Variants in STK4 observed in about 807,000 individuals in gnomAD.
The protein encoded by STK4 is serine/threonine-protein kinase 4.
STK4 carries 30 observed loss-of-function variants against 64.9 expected under a neutral mutation model. The ratio of observed to expected loss-of-function variants is 0.46; its 90% CI spans 0.35 to 0.63. The LOEUF (loss-of-function observed/expected upper bound fraction) is 0.63. STK4 is among the 20% of genes least tolerant of loss of function. STK4 has a pLI of 0.01. For synonymous variants in STK4, 177 were observed against 199.0 expected (o/e 0.89, Z 0.93); for missense variants, 466 against 598.5 (o/e 0.78, Z 2.31).
chr20:45,022,472 A>G (rs1376880952), intron 9 of STK4, among the ~76,000 whole-genome samples: 1 of 152,206 alleles, frequency 6.6e-6, no homozygotes, highest in Non-Finnish European at 1.5e-5. Context: ...TTGGTAAGAA[A>G]GAAGAACTCA....
intron 10 of STK4, among the ~76,000 whole-genome samples, chr20:45,050,128 G>C (rs1266385319): frequency 6.6e-6 from 1 of 152,194 alleles, no homozygotes; most frequent in African/African-American, 2.4e-5. Context: ...AGAGAGAACA[G>C]TCAGCAGTGC....
At chr20:45,006,074 A>G (rs912458715) in intron 9 of STK4, among the ~76,000 whole-genome samples, 11 of 146,846 alleles carry the variant, frequency 7.5e-5, no homozygotes, top group Admixed American at 6.7e-4. Context: ...TATTGTCTCT[A>G]TGTTGGATTT....
At position 45,078,364 on chromosome 20, in the gene STK4, G is replaced by T. The variant is rs576694612; in HGVS notation, c.*3188G>T. 6.6e-6 allele frequency: 1 copy of T among 151,826 alleles called. No individual in the cohort carries two copies. The highest frequency in any genetic ancestry group is 1.5e-5 in the Non-Finnish European group (1 of 68,006). 9.4% of individuals were successfully genotyped at this position (151,826 alleles called of 1,614,324 possible). Reference sequence around the variant, plus strand: ...GCCACTACAGGTGCTGCACCACCACGCCCGGCTAATTTTTGTATTTTTAGT... The same window carrying T: ...GCCACTACAGGTGCTGCACCACCACTCCCGGCTAATTTTTGTATTTTTAGT... On this transcript the variant is annotated 3_prime_UTR_variant, in exon 11 of 11. Transcript: ENST00000372806.
At chr20:45,062,894 G>A (rs1413336370) in intron 10 of STK4, among the ~76,000 whole-genome samples, 1 of 124,574 alleles carries the variant, frequency 8.0e-6, no homozygotes, top group East Asian at 2.5e-4. Context: ...GTTTCACCAT[G>A]TTAGCCAGAA....
chr20:45,043,161 A>G (rs1161064564), intron 10 of STK4, among the ~76,000 whole-genome samples: 5 of 152,048 alleles, frequency 3.3e-5, no homozygotes, highest in African/African-American at 1.2e-4. Context: ...AGCTCCATCC[A>G]TATCCCTGTG....
At position 45,075,164 on chromosome 20, in the gene STK4, A is replaced by G. The variant is rs768109080; in HGVS notation, c.1452A>G (p.Gln484=). The change falls in exon 11 of 11, where the codon CAA becomes CAG. Residue 484 remains glutamine, a synonymous_variant. Coordinates refer to ENST00000372806, the MANE Select transcript of STK4 (RefSeq NM_006282.5). ...LDAIEAKKRR[Q]QNF Reference sequence around the variant, plus strand: ...CCATAGAGGCTAAGAAGAGACGGCAACAAAACTTCTGAGCAAGGCCAGGCT... The same window carrying G: ...CCATAGAGGCTAAGAAGAGACGGCAGCAAAACTTCTGAGCAAGGCCAGGCT... 4 of 1,613,770 alleles carry G rather than the reference A, an allele frequency of 2.5e-6. No homozygotes were observed. The highest frequency in any genetic ancestry group is 1.7e-5 in the Admixed American group (1 of 59,996).
At chr20:45,072,910 C>G (rs961049273) in intron 10 of STK4, among the ~76,000 whole-genome samples, 2 of 152,172 alleles carry the variant, frequency 1.3e-5, no homozygotes, top group Admixed American at 1.3e-4. Context: ...CCAACACATA[C>G]TATATGAAGT....
chr20:44,997,333 C>T (rs766132177), intron 7 of STK4, 27 bp downstream of exon 7: 21 of 1,556,828 alleles, frequency 1.3e-5, no homozygotes, highest in Admixed American at 6.2e-5. Flanking sequence ...GATGCCATCT[C>T]GCTCCATTTC....
intron 10 of STK4, among the ~76,000 whole-genome samples, chr20:45,046,915 C>G (rs6130740): frequency 3.3e-5 from 5 of 150,176 alleles, no homozygotes; most frequent in Non-Finnish European, 5.9e-5. Flanking sequence ...CTCCTGACCT[C>G]GTGATCTGCC....
intron 10 of STK4, among the ~76,000 whole-genome samples, chr20:45,057,684 A>G (rs1172006743): frequency 6.6e-6 from 1 of 152,190 alleles, no homozygotes; most frequent in Non-Finnish European, 1.5e-5. Flanking sequence ...TAGGAAGCAC[A>G]TTTTAAAGAA....
chr20:44,989,093 G>T (rs755744366), intron 5 of STK4, among the ~76,000 whole-genome samples: 3 of 152,120 alleles, frequency 2.0e-5, no homozygotes, highest in Non-Finnish European at 4.4e-5. Context: ...TGTGAAATTT[G>T]TGTACAGGTT....
At chr20:45,060,692 G>T (rs1162864354) in intron 10 of STK4, among the ~76,000 whole-genome samples, 1 of 152,192 alleles carries the variant, frequency 6.6e-6, no homozygotes, top group Admixed American at 6.5e-5. Flanking sequence ...GGACTGTTGT[G>T]AGGATTACTC....
chr20:45,068,210 G>A (rs191631000), intron 10 of STK4, among the ~76,000 whole-genome samples: 3 of 152,296 alleles, frequency 2.0e-5, no homozygotes, highest in Non-Finnish European at 2.9e-5. Context: ...GGCAGAACTC[G>A]TATAGAACCC....
chr20:44,972,066 C>A lies in STK4; in HGVS notation c.36-12C>A. On this transcript the variant is annotated splice_polypyrimidine_tract_variant and intron_variant, in intron 1 of 10. Transcript: ENST00000372806. ...TAAAATGTATTTTGTGTTTATATTT[C>A]TTTATTCACAGGCAGCTGAAAAAGT... 6.2e-7 allele frequency: 1 copy of A among 1,611,060 alleles called. No homozygotes were observed. Among genetic ancestry groups the A allele is most frequent in the Non-Finnish European group, 8.5e-7 (1 of 1,178,052 alleles).
At chr20:45,063,544 T>C (rs1331717024) in intron 10 of STK4, among the ~76,000 whole-genome samples, 2 of 152,246 alleles carry the variant, frequency 1.3e-5, no homozygotes, top group Admixed American at 6.5e-5. Context: ...GTAAGTTGTC[T>C]GTTTACTCCC....
intron 10 of STK4, among the ~76,000 whole-genome samples, chr20:45,068,424 T>C (rs1271274174): frequency 6.6e-6 from 1 of 152,198 alleles, no homozygotes; most frequent in Non-Finnish European, 1.5e-5. Flanking sequence ...TAGTAGGCAC[T>C]TGGTGCCTAC....
At chr20:45,008,687 C>G (rs1419682445) in intron 9 of STK4, among the ~76,000 whole-genome samples, 5 of 152,218 alleles carry the variant, frequency 3.3e-5, no homozygotes, top group African/African-American at 4.8e-5. Flanking sequence ...CATAGCCTCA[C>G]CAGCATCTGT....
intron 10 of STK4, among the ~76,000 whole-genome samples, chr20:45,071,659 T>C (rs969202790): frequency 2.0e-5 from 3 of 152,228 alleles, no homozygotes; most frequent in African/African-American, 7.2e-5. Flanking sequence ...AGCAATACTT[T>C]GTGAGAATTT....
chr20:45,033,783 T>C (rs928693944), intron 10 of STK4, among the ~76,000 whole-genome samples: 1 of 152,174 alleles, frequency 6.6e-6, no homozygotes, highest in Non-Finnish European at 1.5e-5. Flanking sequence ...TTTCACCATG[T>C]TGGCCAGGCT....
Sources: gnomAD v4.1 joint callset for allele counts (sites outside exome capture counted in the v4.1 genomes callset) on GRCh38, gnomAD v4.1.1 for gene constraint, MANE v1.5 for transcripts, NCBI Gene and HGNC (gene_info 2026-07-23, HGNC 2026-07-21) for gene names.